Variants in RBFOX1 observed in about 807,000 individuals in gnomAD.
RBFOX1 encodes the protein RNA binding protein fox-1 homolog 1.
RBFOX1 carries 8 observed loss-of-function variants against 57.7 expected under a neutral mutation model. The ratio of observed to expected loss-of-function variants is 0.14; its 90% confidence interval spans 0.08 to 0.25. RBFOX1 has a LOEUF of 0.25. Ranked by LOEUF, RBFOX1 falls within the 10% of genes least tolerant of loss-of-function variation. The pLI, the probability that RBFOX1 is intolerant of heterozygous loss-of-function variation, is 1.00. For missense variants in RBFOX1, 611 were observed against 548.5 expected (o/e 1.11, Z -1.14); for synonymous variants, 326 against 222.4 (o/e 1.47, Z -4.15).
At chr16:5,565,207 C>T (rs1277992069) in intron 2 of RBFOX1, among the ~76,000 whole-genome samples, 1 of 152,160 alleles carries the variant, frequency 6.6e-6, no homozygotes. Flanking sequence ...CTTTTCCTTA[C>T]CTTTTGCTAA....
chr16:7,385,790 G>A (rs2097864640), intron 4 of RBFOX1, among the ~76,000 whole-genome samples: 1 of 152,038 alleles, frequency 6.6e-6, no homozygotes, highest in African/African-American at 2.4e-5. Context: ...GTCTCGCTGT[G>A]TCACCCAGGC....
chr16:6,959,007 A>G (rs28654358), intron 3 of RBFOX1, among the ~76,000 whole-genome samples: 1,984 of 152,332 alleles, frequency 0.013, 38 homozygotes, highest in African/African-American at 0.045. Context: ...TAAGGAGAAT[A>G]TTAATCATAA....
At chr16:6,047,704 T>C (rs918080635) in intron 1 of RBFOX1, among the ~76,000 whole-genome samples, 1 of 152,206 alleles carries the variant, frequency 6.6e-6, no homozygotes, top group Non-Finnish European at 1.5e-5. Context: ...CTGATTTAGC[T>C]ACCATGACAG....
At chr16:6,604,319 T>C (rs2097896567) in intron 2 of RBFOX1, among the ~76,000 whole-genome samples, 1 of 152,304 alleles carries the variant, frequency 6.6e-6, no homozygotes, top group African/African-American at 2.4e-5. Context: ...TTGTTACACA[T>C]GATAACAGCA....
chr16:6,486,682 C>T (rs1467449473), intron 2 of RBFOX1, among the ~76,000 whole-genome samples: 1 of 149,684 alleles, frequency 6.7e-6, no homozygotes, highest in East Asian at 1.9e-4. Context: ...GCATTTTAGA[C>T]TTTACTTTGT....
intron 3 of RBFOX1, among the ~76,000 whole-genome samples, chr16:6,725,351 G>A (rs1006331947): frequency 8.5e-5 from 13 of 152,068 alleles, no homozygotes; most frequent in Non-Finnish European, 1.8e-4. Flanking sequence ...GCGCCCGGCC[G>A]GTTTTGGCTA....
chr16:6,666,050 C>G (rs972493849), intron 3 of RBFOX1, among the ~76,000 whole-genome samples: 2 of 152,086 alleles, frequency 1.3e-5, no homozygotes, highest in Admixed American at 6.6e-5. Flanking sequence ...AGAGGAAACC[C>G]CTTTCGCTTG....
intron 1 of RBFOX1, among the ~76,000 whole-genome samples, chr16:5,339,776 C>T (rs1409442982): frequency 6.6e-6 from 1 of 152,018 alleles, no homozygotes; most frequent in African/African-American, 2.4e-5. Context: ...CAGGGGTGAA[C>T]ACAAGCCTTC....
chr16:6,943,970 C>A (rs1485077174), intron 3 of RBFOX1, among the ~76,000 whole-genome samples: 1 of 152,146 alleles, frequency 6.6e-6, no homozygotes, highest in Non-Finnish European at 1.5e-5. Flanking sequence ...ATTCTGGGGG[C>A]TGCCCAACTC....
chr16:6,312,317 C>T (rs909071941), intron 1 of RBFOX1, among the ~76,000 whole-genome samples: 42 of 152,224 alleles, frequency 2.8e-4, no homozygotes, highest in African/African-American at 9.4e-4. Context: ...CTTACCCTCC[C>T]GCCCCAAAAC....
At position 7,600,446 on chromosome 16, in the gene RBFOX1, A is replaced by T. The variant is rs187958011; in HGVS notation, c.622+3015A>T. Reference sequence around the variant, plus strand: ...CTTAAGTGGCAATACAATATAACTGAAAAAATATAGGGCCCTTTCATATCC... The same window carrying T: ...CTTAAGTGGCAATACAATATAACTGTAAAAATATAGGGCCCTTTCATATCC... On this transcript the variant is annotated intron_variant, in intron 9 of 15. Coordinates refer to ENST00000550418, the MANE Select transcript of RBFOX1 (RefSeq NM_018723.4). 1.6e-4 allele frequency among the ~76,000 whole-genome samples: 24 copies of T among 152,084 alleles called. No individual in the cohort carries two copies. The East Asian group carries it at 4.4e-3, about 28-fold the overall frequency.
intron 1 of RBFOX1, among the ~76,000 whole-genome samples, chr16:6,101,561 A>G (rs1164666314): frequency 6.6e-6 from 1 of 152,086 alleles, no homozygotes; most frequent in Non-Finnish European, 1.5e-5. Context: ...ATCTTGGCAC[A>G]CTGCAACCTC....
chr16:5,448,068 G>A (rs1023872756), intron 1 of RBFOX1, among the ~76,000 whole-genome samples: 1 of 152,132 alleles, frequency 6.6e-6, no homozygotes. Context: ...AGTGAATCGA[G>A]GTCAGTTCTT....
intron 2 of RBFOX1, among the ~76,000 whole-genome samples, chr16:6,568,136 A>G (rs62015489): frequency 0.34 from 52,444 of 152,102 alleles, 10,322 homozygotes; most frequent in Non-Finnish European, 0.43. Flanking sequence ...CCATGTAACA[A>G]ATTACTCCCA....
chr16:6,387,799 C>G (rs540626643), intron 2 of RBFOX1, among the ~76,000 whole-genome samples: 3 of 152,092 alleles, frequency 2.0e-5, no homozygotes, highest in African/African-American at 7.2e-5. Flanking sequence ...GGTGATCATT[C>G]CTCCCCATTC....
chr16:6,639,658 C>T lies in RBFOX1; in HGVS notation c.-63-14945C>T, dbSNP rs530918313. Among the ~76,000 whole-genome samples, 886 of 152,168 alleles carry T rather than the reference C, an allele frequency of 5.8e-3. 3 individuals carry two copies. Among genetic ancestry groups the T allele is most frequent in the Non-Finnish European group, 9.2e-3 (628 of 67,968 alleles). On this transcript the variant is annotated intron_variant, in intron 2 of 15. Coordinates refer to ENST00000550418, the MANE Select transcript of RBFOX1 (RefSeq NM_018723.4). ...TTGGGAGGCCGAGGCGGGCGGATCA[C>T]GACGTCAGGAGATTGAGACCATCCT...
intron 2 of RBFOX1, among the ~76,000 whole-genome samples, chr16:5,494,571 C>G (rs143536903): frequency 6.6e-6 from 1 of 152,298 alleles, no homozygotes; most frequent in African/African-American, 2.4e-5. Flanking sequence ...GAGGTCTTGG[C>G]TGTTCACTGC....
chr16:7,627,211 G>C (rs1484274552), intron 10 of RBFOX1, among the ~76,000 whole-genome samples: 1 of 140,536 alleles, frequency 7.1e-6, no homozygotes, highest in East Asian at 2.1e-4. Flanking sequence ...AAGTCAATTT[G>C]AAATGGTTTA....
intron 2 of RBFOX1, among the ~76,000 whole-genome samples, chr16:6,550,278 A>G (rs903284113): frequency 6.6e-6 from 1 of 152,048 alleles, no homozygotes; most frequent in Non-Finnish European, 1.5e-5. Context: ...CCCAGGTTCA[A>G]CAATTCTCTT....
Sources: allele counts gnomAD v4.1 joint callset (sites outside exome capture counted in the v4.1 genomes callset), GRCh38; gene constraint gnomAD v4.1.1; transcripts MANE v1.5; gene names NCBI Gene and HGNC (gene_info 2026-07-23, HGNC 2026-07-21).